Variants in NEK1 observed in about 807,000 individuals in gnomAD.
The protein encoded by NEK1 is serine/threonine-protein kinase Nek1.
Under a neutral mutation model 182.1 loss-of-function variants are expected in NEK1, and 137 were observed. The ratio of observed to expected loss-of-function variants is 0.75; its 90% CI spans 0.65 to 0.87. The LOEUF is 0.87. NEK1 is among the 40% of genes least tolerant of loss of function. The pLI, the probability that NEK1 is intolerant of heterozygous loss-of-function variation, is 0.00. For synonymous variants in NEK1, 513 were observed against 492.2 expected (o/e 1.04, Z -0.56); for missense variants, 1,391 against 1,494.4 (o/e 0.93, Z 1.14).
chr4:169,564,146 A>G (rs1042638768), intron 12 of NEK1, among the ~76,000 whole-genome samples: 1 of 152,182 alleles, frequency 6.6e-6, no homozygotes, highest in African/African-American at 2.4e-5. Context: ...ATACCAAAAA[A>G]GATAAAAATT....
intron 19 of NEK1, among the ~76,000 whole-genome samples, chr4:169,519,938 C>T (rs1403230439): frequency 2.5e-5 from 1 of 40,374 alleles, no homozygotes; most frequent in East Asian, 6.0e-4. Flanking sequence ...CTGCCCTTAA[C>T]ATTTTTTCCT....
intron 10 of NEK1, among the ~76,000 whole-genome samples, chr4:169,583,977 A>G (rs935525332): frequency 1.3e-4 from 20 of 152,342 alleles, no homozygotes; most frequent in African/African-American, 4.6e-4. Flanking sequence ...CTCCATGAGC[A>G]TATAAAACTA....
At chr4:169,601,930 T>C in intron 4 of NEK1, 78 bp downstream of exon 4, 1 of 1,027,592 alleles carries the variant, frequency 9.7e-7, no homozygotes, top group Non-Finnish European at 1.5e-6. Context: ...AAATGGTATC[T>C]TTTTCCTAAG....
chr4:169,505,202 T>TA (rs941644716), intron 23 of NEK1, among the ~76,000 whole-genome samples: 3 of 151,704 alleles, frequency 2.0e-5, no homozygotes, highest in Admixed American at 6.6e-5. Flanking sequence ...TTGTAAGGAT[T>TA]AAAAAAAACA....
At chr4:169,508,730 G>T in intron 20 of NEK1, 39 bp downstream of exon 20, 7 of 1,415,116 alleles carry the variant, frequency 4.9e-6, no homozygotes, top group Non-Finnish European at 6.6e-6. Context: ...ATTCAAAAAT[G>T]GCTATGTGAT....
Position 169,401,875 on chromosome 4 carries a change from G to GTTTCAAACATAC in NEK1, c.3375-16_3375-15insGTATGTTTGAAA, listed in dbSNP as rs1387130014. The GTTTCAAACATAC allele has an allele frequency of 6.3e-7, 1 of 1,586,396 alleles. No individual in the cohort carries two copies. The highest frequency in any genetic ancestry group is 2.3e-5 in the East Asian group (1 of 44,352). ...CTTCAAACACACTGAAATTTAAAAA[G>GTTTCAAACATAC]TATAACTAAAAGTTTCAAACATACT... is the stretch of plus-strand genomic sequence containing the variant. On this transcript the variant is annotated splice_polypyrimidine_tract_variant and intron_variant, in intron 32 of 35. Coordinates refer to ENST00000507142, the MANE Select transcript of NEK1 (RefSeq NM_001199397.3).
At chr4:169,540,597 C>T (rs891004414) in intron 18 of NEK1, among the ~76,000 whole-genome samples, 2 of 152,058 alleles carry the variant, frequency 1.3e-5, no homozygotes, top group African/African-American at 4.8e-5. Context: ...TAAGAATTCA[C>T]GTGAGCATGC....
chr4:169,481,261 G>A (rs913246780), intron 23 of NEK1, among the ~76,000 whole-genome samples: 1 of 152,070 alleles, frequency 6.6e-6, no homozygotes, highest in African/African-American at 2.4e-5. Flanking sequence ...TCCTGTTAAT[G>A]TTGACATTAA....
At position 169,607,239 on chromosome 4, in the gene NEK1, T is replaced by C. The variant is rs150277307; in HGVS notation, c.-48-4561A>G. 2.0e-5 allele frequency among the ~76,000 whole-genome samples: 3 copies of C among 152,314 alleles called. No homozygotes were observed. In the East Asian group the frequency reaches 5.8e-4, roughly 29 times the overall value. On this transcript the variant is annotated intron_variant, in intron 2 of 35. Transcript: ENST00000507142. ...TACAAGATACATGTTTCAGAGTCTC[T>C]AAGACTTTTCATTCACAATGTCTAG...
intron 18 of NEK1, among the ~76,000 whole-genome samples, chr4:169,546,860 A>T (rs1482407685): frequency 6.6e-6 from 1 of 152,142 alleles, no homozygotes; most frequent in Non-Finnish European, 1.5e-5. Context: ...TTTTGAGCCT[A>T]CACGTGTCTT....
intron 31 of NEK1, among the ~76,000 whole-genome samples, chr4:169,408,704 T>C (rs1305461940): frequency 6.6e-6 from 1 of 152,196 alleles, no homozygotes; most frequent in African/African-American, 2.4e-5. Flanking sequence ...CTCCCACTTA[T>C]CAATGAGAAC....
intron 23 of NEK1, among the ~76,000 whole-genome samples, chr4:169,495,265 A>T (rs1308031007): frequency 2.8e-5 from 3 of 105,518 alleles, no homozygotes; most frequent in African/African-American, 1.0e-4. Context: ...TTTTTTTGAG[A>T]CGGAGTTTCG....
chr4:169,511,200 C>T (rs958747975), intron 19 of NEK1, among the ~76,000 whole-genome samples: 1 of 152,094 alleles, frequency 6.6e-6, no homozygotes, highest in African/African-American at 2.4e-5. Flanking sequence ...TCTTTTGCAG[C>T]ATGACAAAGC....
intron 31 of NEK1, among the ~76,000 whole-genome samples, chr4:169,411,908 G>A (rs986646754): frequency 6.6e-6 from 1 of 152,186 alleles, no homozygotes; most frequent in Non-Finnish European, 1.5e-5. Context: ...AACCTCTGAG[G>A]AATACCTTCA....
At chr4:169,399,689 C>A (rs1363060654) in intron 35 of NEK1, among the ~76,000 whole-genome samples, 1 of 152,192 alleles carries the variant, frequency 6.6e-6, no homozygotes. Context: ...AGCACAATCA[C>A]AGCTCACTGC....
intron 27 of NEK1, among the ~76,000 whole-genome samples, chr4:169,447,850 C>T (rs185718836): frequency 3.2e-4 from 48 of 152,086 alleles, no homozygotes; most frequent in African/African-American, 8.2e-4. Flanking sequence ...GCCCGGGCAA[C>T]GGAGTGAGAC....
In NEK1 at chr4:169,507,692, C is replaced by A. The variant is rs17054977; in HGVS notation, c.1911+23G>T. On this transcript the variant is annotated intron_variant, in intron 22 of 35. Transcript: ENST00000507142. Reference sequence around the variant, plus strand: ...CAGCTTTCAATTTTCTCTAAGAAAACCTGTATCATTTCTAGTCTATACCTT... The same window carrying A: ...CAGCTTTCAATTTTCTCTAAGAAAAACTGTATCATTTCTAGTCTATACCTT... 0.12 allele frequency: 195,003 copies of A among 1,574,456 alleles called. 15,934 individuals carry two copies. Among genetic ancestry groups the A allele is most frequent in the African/African-American group, 0.42 (30,992 of 74,108 alleles).
In NEK1 at chr4:169,612,525, G is replaced by C. The variant is rs1772486754; in HGVS notation, c.-476C>G. 6.6e-6 allele frequency: 1 copy of C among 152,290 alleles called. No homozygotes were observed. The highest frequency in any genetic ancestry group is 1.5e-5 in the Non-Finnish European group (1 of 68,222). 9.4% of individuals were successfully genotyped at this position (152,290 alleles called of 1,614,324 possible). A position where few individuals can be genotyped will look rare whatever the true frequency, so the allele number is the denominator to read the frequency against. On this transcript the variant is annotated 5_prime_UTR_variant, in exon 1 of 36. Coordinates refer to ENST00000507142, the MANE Select transcript of NEK1 (RefSeq NM_001199397.3). ...CCGAGTTATGGGGACAACTGCTCGA[G>C]AGGCCAGGGTAGGGTAAGGACTCCG...
chr4:169,609,018 A>G (rs112174133), intron 2 of NEK1, among the ~76,000 whole-genome samples: 42,078 of 147,768 alleles, frequency 0.28, 8,473 homozygotes, highest in African/African-American at 0.58. Flanking sequence ...CTGAGATCAC[A>G]CCACTCCACT....
Sources: allele counts gnomAD v4.1 joint callset (sites outside exome capture counted in the v4.1 genomes callset), GRCh38; gene constraint gnomAD v4.1.1; transcripts MANE v1.5; gene names NCBI Gene and HGNC (gene_info 2026-07-23, HGNC 2026-07-21).